The following MAPRE2 variants were observed in gnomAD, a reference collection of about 807,000 sequenced individuals.
MAPRE2 encodes microtubule-associated protein RP/EB family member 2.
In MAPRE2, 13 loss-of-function variants were observed where a neutral mutation model predicts 43.2. The observed-to-expected ratio is 0.30, with a 90% CI of 0.20 to 0.48. The LOEUF is 0.48. Among genes scored for constraint, MAPRE2 ranks in the 20% least tolerant of loss-of-function variants. The probability of loss-of-function intolerance (pLI) is 0.99; values close to 1 mark genes in which losing one functional copy is unlikely to be tolerated. For synonymous variants in MAPRE2, 135 were observed against 148.8 expected (o/e 0.91, Z 0.68); for missense variants, 161 against 400.2 (o/e 0.40, Z 5.10).
chr18:35,069,433 A>T (rs1397029304), intron 1 of MAPRE2, among the ~76,000 whole-genome samples: 1 of 152,098 alleles, frequency 6.6e-6, no homozygotes, highest in African/African-American at 2.4e-5. Flanking sequence ...TATAGGTGAA[A>T]TTATGTGATT....
At chr18:35,027,533 T>A (rs1231179335) in intron 2 of MAPRE2, among the ~76,000 whole-genome samples, 1 of 152,112 alleles carries the variant, frequency 6.6e-6, no homozygotes, top group African/African-American at 2.4e-5. Context: ...CAGCAGTCAG[T>A]CACCTTCCAA....
intron 1 of MAPRE2, among the ~76,000 whole-genome samples, chr18:34,981,876 TATTTTTA>T (rs1471833968): frequency 2.3e-4 from 8 of 34,650 alleles, no homozygotes; most frequent in Admixed American, 3.7e-4. Flanking sequence ...TTTTTTTTTT[TATTTTTA>T]TTTATTTTTT....
intron 2 of MAPRE2, among the ~76,000 whole-genome samples, chr18:35,022,033 A>G (rs2097042244): frequency 6.6e-6 from 1 of 152,176 alleles, no homozygotes; most frequent in Non-Finnish European, 1.5e-5. Flanking sequence ...AAGCAGTGGA[A>G]CCATGCTTTC....
At position 35,035,788 on chromosome 18, in the gene MAPRE2, C is replaced by T. The variant is rs929041101; in HGVS notation, c.-8+30235C>T. ...ATTTGCCCTACTAGGTAAAACCCTTCACAGTCTCTTTTTGCAGGTTTCTCT... is the reference window on the plus strand; with the variant it reads ...ATTTGCCCTACTAGGTAAAACCCTTTACAGTCTCTTTTTGCAGGTTTCTCT... On this transcript the variant is annotated intron_variant, in intron 2 of 7. Coordinates refer to the MAPRE2 transcript ENST00000413393. 2.0e-5 allele frequency among the ~76,000 whole-genome samples: 3 copies of T among 147,038 alleles called. No individual in the cohort carries two copies. The South Asian group carries it at 7.1e-4, about 35-fold the overall frequency.
intron 4 of MAPRE2, among the ~76,000 whole-genome samples, chr18:35,119,097 C>T (rs540714361): frequency 1.3e-5 from 2 of 152,338 alleles, no homozygotes; most frequent in African/African-American, 4.8e-5. Flanking sequence ...GGTGACCCCA[C>T]ACAGGAGGTT....
intron 2 of MAPRE2, among the ~76,000 whole-genome samples, chr18:35,034,004 A>G (rs2097049170): frequency 6.6e-6 from 1 of 151,640 alleles, no homozygotes; most frequent in Admixed American, 6.6e-5. Context: ...ACAGAATTGG[A>G]AAAAACTACT....
At chr18:35,115,891 A>G (rs1909388646) in intron 4 of MAPRE2, among the ~76,000 whole-genome samples, 1 of 152,150 alleles carries the variant, frequency 6.6e-6, no homozygotes, top group South Asian at 2.1e-4. Context: ...ACCAGTTCCT[A>G]CTTTTTGGAT....
chr18:35,001,826 A>G (rs915656764), intron 1 of MAPRE2, among the ~76,000 whole-genome samples: 3 of 152,172 alleles, frequency 2.0e-5, no homozygotes, highest in African/African-American at 4.8e-5. Flanking sequence ...AAACTAATGT[A>G]TCTTGCTCAA....
At chr18:35,042,089 C>G (rs183422605) in intron 1 of MAPRE2, among the ~76,000 whole-genome samples, 2 of 152,242 alleles carry the variant, frequency 1.3e-5, no homozygotes, top group East Asian at 3.9e-4. Flanking sequence ...GGAGAGTGTG[C>G]AGGAAAGATG....
At chr18:35,128,323 T>C (rs1222339594) in intron 5 of MAPRE2, among the ~76,000 whole-genome samples, 2 of 152,198 alleles carry the variant, frequency 1.3e-5, no homozygotes, top group Non-Finnish European at 2.9e-5. Flanking sequence ...ACAGTCATAA[T>C]GAACCTTGGT....
intron 1 of MAPRE2, 155 bp downstream of exon 1, chr18:35,041,816 G>A (rs745917903): frequency 1.6e-5 from 23 of 1,467,680 alleles, no homozygotes; most frequent in Non-Finnish European, 2.0e-5. Context: ...GTTTCCATGT[G>A]TCATGTTGGG....
intron 6 of MAPRE2, among the ~76,000 whole-genome samples, chr18:35,133,171 T>G (rs1910239287): frequency 6.6e-6 from 1 of 152,222 alleles, no homozygotes; most frequent in African/African-American, 2.4e-5. Context: ...GGCAAATGTT[T>G]ACTCCATTTA....
intron 1 of MAPRE2, chr18:34,978,553 A>G (rs1409630146): frequency 1.9e-6 from 3 of 1,551,606 alleles, no homozygotes; most frequent in Admixed American, 2.0e-5. Flanking sequence ...TAATCTGAAG[A>G]ATGGCAACAT....
rs534034922 is a variant in MAPRE2, at chr18:34,985,332, A to T, written c.-70+8253A>T. Reference sequence around the variant, plus strand: ...TATATTATATTATATATATAATATAATATATAATATATTATATTATATATA... The same window carrying T: ...TATATTATATTATATATATAATATATTATATAATATATTATATTATATATA... On this transcript the variant is annotated intron_variant, in intron 1 of 7. Coordinates refer to the MAPRE2 transcript ENST00000413393. Among the ~76,000 whole-genome samples the T allele has an allele frequency of 5.7e-3, 184 of 32,058 alleles. 3 individuals carry two copies. The highest frequency in any genetic ancestry group is 8.8e-3 in the African/African-American group (75 of 8,554). The allele number at this position is 32,058 out of a possible 152,430, so 21.0% of individuals were successfully genotyped here.
At chr18:35,012,088 C>T (rs2097035091) in intron 2 of MAPRE2, among the ~76,000 whole-genome samples, 1 of 152,058 alleles carries the variant, frequency 6.6e-6, no homozygotes, top group African/African-American at 2.4e-5. Context: ...AGATAGTGCC[C>T]AGTGTCTGGC....
upstream of MAPRE2, among the ~76,000 whole-genome samples, chr18:35,037,382 C>T (rs142568275): frequency 6.6e-6 from 1 of 152,268 alleles, no homozygotes; most frequent in African/African-American, 2.4e-5. Context: ...GCATTATTAC[C>T]CTACTTTATC....
At chr18:34,988,107 C>G (rs1362632717) in intron 1 of MAPRE2, among the ~76,000 whole-genome samples, 1 of 152,134 alleles carries the variant, frequency 6.6e-6, no homozygotes, top group African/African-American at 2.4e-5. Context: ...ACTTACAGAA[C>G]AGTATTTATA....
At chr18:34,992,153 A>G (rs1347209233) in intron 1 of MAPRE2, among the ~76,000 whole-genome samples, 1 of 152,238 alleles carries the variant, frequency 6.6e-6, no homozygotes, top group Non-Finnish European at 1.5e-5. Context: ...TATTGTTACT[A>G]TCATGAGTAG....
chr18:35,138,998 G>A (rs139366596), intron 6 of MAPRE2, among the ~76,000 whole-genome samples: 56 of 152,252 alleles, frequency 3.7e-4, no homozygotes, highest in African/African-American at 1.1e-3. Context: ...ATGTGGCACC[G>A]AGAATCCGAT....
Sources: gnomAD v4.1 joint callset for allele counts (sites outside exome capture counted in the v4.1 genomes callset) on GRCh38, gnomAD v4.1.1 for gene constraint, MANE v1.5 for transcripts, NCBI Gene and HGNC (gene_info 2026-07-23, HGNC 2026-07-21) for gene names.